OPCML: variants seen among roughly 807,000 people sequenced by gnomAD.
OPCML encodes the protein opioid binding protein/cell adhesion molecule like.
Under a neutral mutation model 37.8 loss-of-function variants are expected in OPCML, and 13 were observed. The observed-to-expected ratio is 0.34, with a 90% CI of 0.22 to 0.55. The LOEUF is 0.55. Ranked by LOEUF, OPCML falls within the 20% of genes least tolerant of loss-of-function variation. The pLI is 0.91. For missense variants in OPCML, 341 were observed against 435.6 expected, an observed-to-expected ratio of 0.78 and a Z score of 1.93; for synonymous variants, 176 against 168.8, an observed-to-expected ratio of 1.04 and a Z score of -0.33.
At chr11:133,256,139 T>C (rs1467741674) in intron 1 of OPCML, among the ~76,000 whole-genome samples, 1 of 152,236 alleles carries the variant, frequency 6.6e-6, no homozygotes, top group East Asian at 1.9e-4. Flanking sequence ...TTAGGAGTCC[T>C]GAAGGAACTC....
intron 5 of OPCML, 46 bp from the exon 6 acceptor site, chr11:132,436,825 A>G (rs1289910123): frequency 6.3e-7 from 1 of 1,591,532 alleles, no homozygotes; most frequent in Non-Finnish European, 8.6e-7. Flanking sequence ...GCACGCACGC[A>G]CACACAGAGT....
chr11:133,222,187 T>G (rs1317866364), intron 1 of OPCML, among the ~76,000 whole-genome samples: 1 of 152,106 alleles, frequency 6.6e-6, no homozygotes, highest in Non-Finnish European at 1.5e-5. Flanking sequence ...AGATGCAAAT[T>G]CAGGGGCCTG....
intron 1 of OPCML, among the ~76,000 whole-genome samples, chr11:133,444,174 C>T (rs1425073786): frequency 1.3e-5 from 2 of 152,018 alleles, no homozygotes; most frequent in Non-Finnish European, 2.9e-5. Context: ...CAGGCTGCAG[C>T]CTTCTTCCTG....
intron 1 of OPCML, among the ~76,000 whole-genome samples, chr11:133,355,493 A>T (rs1944263716): frequency 6.6e-6 from 1 of 152,202 alleles, no homozygotes; most frequent in African/African-American, 2.4e-5. Context: ...AGATTTGGAA[A>T]AAAACTTCTA....
chr11:132,788,508 C>T (rs1937662786), intron 2 of OPCML, among the ~76,000 whole-genome samples: 1 of 152,176 alleles, frequency 6.6e-6, no homozygotes. Context: ...TTCCCCTCTT[C>T]CTCGAGATAC....
At chr11:133,392,021 A>G (rs1354043420) in intron 1 of OPCML, among the ~76,000 whole-genome samples, 1 of 152,240 alleles carries the variant, frequency 6.6e-6, no homozygotes, top group East Asian at 1.9e-4. Context: ...AAAAAATTAA[A>G]GACTATTTTT....
intron 1 of OPCML, chr11:133,420,699 C>A: frequency 1.0e-6 from 1 of 985,384 alleles, no homozygotes; most frequent in Non-Finnish European, 1.2e-6. Flanking sequence ...TAGGCCTACC[C>A]TAAATTGTCC....
intron 1 of OPCML, among the ~76,000 whole-genome samples, chr11:133,141,639 C>T (rs1435941410): frequency 6.6e-6 from 1 of 152,144 alleles, no homozygotes; most frequent in African/African-American, 2.4e-5. Flanking sequence ...CTTCACCTGG[C>T]TGCTCCCAGC....
chr11:133,280,648 T>G (rs1428179964), intron 1 of OPCML, among the ~76,000 whole-genome samples: 1 of 152,214 alleles, frequency 6.6e-6, no homozygotes, highest in African/African-American at 2.4e-5. Context: ...AGCAGGATAT[T>G]CATATGCATT....
At chr11:133,232,731 A>G (rs1940332320) in intron 1 of OPCML, among the ~76,000 whole-genome samples, 1 of 152,342 alleles carries the variant, frequency 6.6e-6, no homozygotes, top group African/African-American at 2.4e-5. Context: ...TGAGCATCAC[A>G]ACTTCATAAA....
rs1003976918 is a variant in OPCML, at chr11:133,231,387, A to G, written c.62-288377T>C. On this transcript the variant is annotated intron_variant, in intron 1 of 7. Coordinates refer to ENST00000524381, the MANE Select transcript of OPCML (RefSeq NM_001012393.5). ...TAACTGCTTAACCTTACTGACTTTC[A>G]ATTCAAAAAGAGGGGGTGAGAGTTG... Among the ~76,000 whole-genome samples, 200 of 152,136 alleles carry G rather than the reference A, an allele frequency of 1.3e-3. 3 individuals carry two copies. Among genetic ancestry groups the G allele is most frequent in the Non-Finnish European group, 3.4e-4 (23 of 68,024 alleles).
chr11:132,958,130 TA>T (rs1946009206), intron 1 of OPCML, among the ~76,000 whole-genome samples: 1 of 152,158 alleles, frequency 6.6e-6, no homozygotes, highest in Non-Finnish European at 1.5e-5. Context: ...TGAAGGAAAT[TA>T]AAAGTGCCAC....
intron 2 of OPCML, among the ~76,000 whole-genome samples, chr11:132,875,373 C>T (rs894351722): frequency 6.6e-5 from 10 of 151,852 alleles, no homozygotes; most frequent in African/African-American, 9.7e-5. Context: ...CTGATTTATA[C>T]AACATTATAG....
chr11:132,427,014 A>G (rs1483471470), intron 7 of OPCML, among the ~76,000 whole-genome samples: 3 of 152,218 alleles, frequency 2.0e-5, no homozygotes, highest in Admixed American at 6.5e-5. Context: ...ATAACAAGCC[A>G]TGAAGGTATT....
chr11:132,693,930 A>G (rs1943502658), intron 2 of OPCML, among the ~76,000 whole-genome samples: 1 of 152,118 alleles, frequency 6.6e-6, no homozygotes, highest in African/African-American at 2.4e-5. Context: ...ACCCAGTAAT[A>G]AGAATCTTAA....
chr11:133,069,851 C>T (rs1312585274), intron 1 of OPCML, among the ~76,000 whole-genome samples: 1 of 152,026 alleles, frequency 6.6e-6, no homozygotes, highest in African/African-American at 2.4e-5. Context: ...GAGGCCAGCT[C>T]AGAGGAGGAG....
At chr11:133,441,813 A>G (rs982047926) in intron 1 of OPCML, among the ~76,000 whole-genome samples, 14 of 152,196 alleles carry the variant, frequency 9.2e-5, no homozygotes, top group Non-Finnish European at 1.8e-4. Flanking sequence ...AAATAAGACA[A>G]AAGTTCTATA....
chr11:132,789,122 A>C (rs1376054648), intron 2 of OPCML, among the ~76,000 whole-genome samples: 1 of 152,118 alleles, frequency 6.6e-6, no homozygotes, highest in Non-Finnish European at 1.5e-5. Context: ...CACTTCAGAG[A>C]AGCTTTCTCT....
At chr11:132,460,148 G>A (rs867590055) in intron 4 of OPCML, among the ~76,000 whole-genome samples, 8 of 151,924 alleles carry the variant, frequency 5.3e-5, no homozygotes, top group Middle Eastern at 3.5e-3. Flanking sequence ...AAACTCATGC[G>A]TTCCAGGGTT....
Sources: gnomAD v4.1 joint callset for allele counts (sites outside exome capture counted in the v4.1 genomes callset) on GRCh38, gnomAD v4.1.1 for gene constraint, MANE v1.5 for transcripts, NCBI Gene and HGNC (gene_info 2026-07-23, HGNC 2026-07-21) for gene names.